COL4A2: variants seen among roughly 807,000 people sequenced by gnomAD.
COL4A2 encodes the protein collagen type IV alpha 2 chain.
A neutral mutation model predicts 200.2 loss-of-function variants in COL4A2; 99 were observed. The observed-to-expected ratio is 0.49, with a 90% CI of 0.42 to 0.58. The LOEUF is 0.58. Among genes scored for constraint, COL4A2 ranks in the 20% least tolerant of loss-of-function variants. COL4A2 has a pLI of 0.00. For synonymous variants in COL4A2, 897 were observed against 900.6 expected, an observed-to-expected ratio of 1.00 and a Z score of 0.07; for missense variants, 1,950 against 2,314.1, an observed-to-expected ratio of 0.84 and a Z score of 3.23.
At position 110,512,087 on chromosome 13, in the gene COL4A2, A is replaced by G; in HGVS notation, c.5035A>G (p.Ile1679Val). The change falls in exon 48 of 48, where the codon ATT becomes GTT. Residue 1679 changes from isoleucine (I) to valine (V), a missense_variant. Physicochemically the swap from Ile to Val is conservative, Grantham distance 29 (BLOSUM62 3). Around this residue, in one of 2 missense-constraint regions of COL4A2, gnomAD observed 1,385 missense variants for 1,720.5 expected, o/e 0.80. Transcript: ENST00000360467. Reference protein sequence around the residue: ...ANKYSFWLTTIPEQSFQGSPS... With the variant: ...ANKYSFWLTTVPEQSFQGSPS... Reference sequence around the variant, plus strand: ...CAAGTACAGCTTCTGGCTGACCACCATTCCCGAGCAGAGCTTCCAGGGCTC... The same window carrying G: ...CAAGTACAGCTTCTGGCTGACCACCGTTCCCGAGCAGAGCTTCCAGGGCTC... 6.2e-7 allele frequency: 1 copy of G among 1,613,724 alleles called. No individual in the cohort carries two copies. Among genetic ancestry groups the G allele is most frequent in the South Asian group, 1.1e-5 (1 of 91,090 alleles).
At chr13:110,441,144 T>A (rs1881108107) in intron 16 of COL4A2, among the ~76,000 whole-genome samples, 2 of 151,440 alleles carry the variant, frequency 1.3e-5, no homozygotes, top group African/African-American at 2.4e-5. Flanking sequence ...AGAGATAGAG[T>A]TTTATCAAAA....
intron 3 of COL4A2, among the ~76,000 whole-genome samples, chr13:110,337,221 C>T (rs1442490448): frequency 6.6e-6 from 1 of 152,194 alleles, no homozygotes; most frequent in Non-Finnish European, 1.5e-5. Flanking sequence ...GCATGGGCGC[C>T]GGAAGTTTTA....
chr13:110,370,148 T>C, intron 4 of COL4A2, among the ~76,000 whole-genome samples: 1 of 151,986 alleles, frequency 6.6e-6, no homozygotes, highest in East Asian at 1.9e-4. Flanking sequence ...CACATCACTC[T>C]CTTTTACCAA....
intron 3 of COL4A2, among the ~76,000 whole-genome samples, chr13:110,347,362 A>G (rs909559672): frequency 2.6e-5 from 4 of 152,104 alleles, no homozygotes; most frequent in African/African-American, 4.8e-5. Context: ...TACATCACCA[A>G]ACCCTCACAG....
intron 3 of COL4A2, among the ~76,000 whole-genome samples, chr13:110,315,447 G>C (rs2139344688): frequency 6.6e-6 from 1 of 152,314 alleles, no homozygotes; most frequent in Admixed American, 6.5e-5. Flanking sequence ...CCAGGCTGGA[G>C]TGCAGTGGCG....
intron 43 of COL4A2, 118 bp from the exon 44 acceptor site, chr13:110,503,729 G>A (rs746985954): frequency 1.6e-6 from 2 of 1,274,512 alleles, no homozygotes; most frequent in Non-Finnish European, 2.2e-6. Flanking sequence ...TCTCTAGAAA[G>A]CACAGTTGTC....
intron 29 of COL4A2, among the ~76,000 whole-genome samples, chr13:110,475,288 A>G (rs1221191071): frequency 6.6e-6 from 1 of 152,184 alleles, no homozygotes; most frequent in Non-Finnish European, 1.5e-5. Flanking sequence ...CGGCGCTGAG[A>G]GGTGGGGCTC....
At chr13:110,468,638 G>A (rs1882344932) in intron 27 of COL4A2, among the ~76,000 whole-genome samples, 1 of 152,198 alleles carries the variant, frequency 6.6e-6, no homozygotes, top group African/African-American at 2.4e-5. Context: ...CTTTCTAAGA[G>A]TGAGGGTGGG....
intron 4 of COL4A2, among the ~76,000 whole-genome samples, chr13:110,383,293 A>G (rs143628657): frequency 1.8e-4 from 28 of 152,400 alleles, no homozygotes; most frequent in African/African-American, 6.3e-4. Flanking sequence ...ACCATTTACA[A>G]TACTCTTGGG....
intron 3 of COL4A2, among the ~76,000 whole-genome samples, chr13:110,318,998 AC>A (rs2139349032): frequency 6.6e-6 from 1 of 152,126 alleles, no homozygotes; most frequent in Non-Finnish European, 1.5e-5. Flanking sequence ...GCCCATTCTC[AC>A]GTATTTCTTG....
intron 3 of COL4A2, among the ~76,000 whole-genome samples, chr13:110,331,359 T>C (rs562174548): frequency 3.7e-4 from 57 of 152,356 alleles, no homozygotes; most frequent in African/African-American, 1.3e-3. Context: ...TCATCTCAGA[T>C]GTCCAGGCTG....
intron 20 of COL4A2, among the ~76,000 whole-genome samples, chr13:110,451,805 A>G (rs577796939): frequency 5.3e-5 from 8 of 152,240 alleles, no homozygotes; most frequent in Admixed American, 4.6e-4. Context: ...GCCCAAGACA[A>G]TTCTTCTTCC....
rs78065214 is a variant in COL4A2, at chr13:110,361,617, T to G, written c.180+4065T>G. ...GCAGAAATCACAAGCATACTATGGA[T>G]TCCAGTTCCAAATGGATTCTCATGT... is the stretch of plus-strand genomic sequence containing the variant. On this transcript the variant is annotated intron_variant, in intron 4 of 47. Coordinates refer to ENST00000360467, the MANE Select transcript of COL4A2 (RefSeq NM_001846.4). Among the ~76,000 whole-genome samples, 899 of 152,364 alleles carry G rather than the reference T, an allele frequency of 5.9e-3. 21 individuals are homozygous for G. The highest frequency in any genetic ancestry group is 0.044 in the Admixed American group (680 of 15,306).
At chr13:110,312,900 G>A (rs1885024091) in intron 3 of COL4A2, among the ~76,000 whole-genome samples, 1 of 152,222 alleles carries the variant, frequency 6.6e-6, no homozygotes, top group South Asian at 2.1e-4. Context: ...GTGTGGAATG[G>A]ATCTCTCAGG....
chr13:110,437,699 T>G (rs1880947307), intron 13 of COL4A2, among the ~76,000 whole-genome samples: 2 of 152,188 alleles, frequency 1.3e-5, no homozygotes, highest in Non-Finnish European at 2.9e-5. Flanking sequence ...CATACGGATG[T>G]AAACATCTGC....
chr13:110,419,869 ACTCTTATGTTC>A (rs1880181784), intron 4 of COL4A2, among the ~76,000 whole-genome samples: 1 of 152,110 alleles, frequency 6.6e-6, no homozygotes, highest in Non-Finnish European at 1.5e-5. Flanking sequence ...CCACATAAAT[ACTCTTATGTTC>A]CTCTGCATGA....
chr13:110,488,414 C>CA (rs1883177057), intron 34 of COL4A2, among the ~76,000 whole-genome samples: 1 of 152,160 alleles, frequency 6.6e-6, no homozygotes. Context: ...CCAGGTAGAC[C>CA]AGAACTCTCA....
chr13:110,344,010 T>C (rs1333982905), intron 3 of COL4A2, among the ~76,000 whole-genome samples: 1 of 152,130 alleles, frequency 6.6e-6, no homozygotes, highest in Non-Finnish European at 1.5e-5. Flanking sequence ...AGAACTGGCA[T>C]GCCGTATAAA....
At chr13:110,431,712 T>C (rs574067147) in intron 10 of COL4A2, among the ~76,000 whole-genome samples, 1 of 152,308 alleles carries the variant, frequency 6.6e-6, no homozygotes, top group South Asian at 2.1e-4. Flanking sequence ...CAGCTTTTGG[T>C]TCTTCACATG....
Sources: allele counts gnomAD v4.1 joint callset (sites outside exome capture counted in the v4.1 genomes callset), GRCh38; gene constraint gnomAD v4.1.1; regional missense constraint gnomAD v4.1.1; transcripts MANE v1.5; gene names NCBI Gene and HGNC (gene_info 2026-07-23, HGNC 2026-07-21).